Variants in CSMD1 observed in about 807,000 individuals in gnomAD.
The protein encoded by CSMD1 is CUB and Sushi multiple domains 1.
A neutral mutation model predicts 417.5 loss-of-function variants in CSMD1; 213 were observed. That is an observed-to-expected ratio of 0.51 (90% confidence interval 0.46 to 0.57). The LOEUF is 0.57. Among genes scored for constraint, CSMD1 ranks in the 20% least tolerant of loss-of-function variants. The pLI, the probability that CSMD1 is intolerant of heterozygous loss-of-function variation, is 0.00. For synonymous variants in CSMD1, 2,862 were observed against 1,736.8 expected, an observed-to-expected ratio of 1.65 and a Z score of -16.11; for missense variants, 6,923 against 4,529.7, an observed-to-expected ratio of 1.53 and a Z score of -15.17.
At chr8:3,943,333 C>A (rs1158372131) in intron 5 of CSMD1, among the ~76,000 whole-genome samples, 2 of 145,632 alleles carry the variant, frequency 1.4e-5, no homozygotes, top group Non-Finnish European at 3.0e-5. Context: ...GTGAAGTATT[C>A]TTGTAGTGAG....
At chr8:3,971,389 T>C (rs529208959) in intron 5 of CSMD1, among the ~76,000 whole-genome samples, 4 of 152,300 alleles carry the variant, frequency 2.6e-5, no homozygotes, top group Admixed American at 6.5e-5. Context: ...ACTGTCCCTA[T>C]TAAGTTTTTA....
chr8:4,592,419 C>A (rs1800038013), intron 2 of CSMD1, among the ~76,000 whole-genome samples: 1 of 151,926 alleles, frequency 6.6e-6, no homozygotes, highest in African/African-American at 2.4e-5. Flanking sequence ...TGGAGTCTTA[C>A]TCCATCTCCC....
chr8:4,049,170 C>A (rs1042909771), intron 3 of CSMD1, among the ~76,000 whole-genome samples: 4 of 152,042 alleles, frequency 2.6e-5, no homozygotes, highest in Non-Finnish European at 5.9e-5. Flanking sequence ...ATTGTAACAT[C>A]AAAGAGTCTA....
At chr8:4,388,303 TACACAC>T in intron 3 of CSMD1, among the ~76,000 whole-genome samples, 1 of 117,212 alleles carries the variant, frequency 8.5e-6, no homozygotes, top group South Asian at 2.6e-4. Context: ...GAAACTGTGA[TACACAC>T]ACACACACAC....
At chr8:3,926,245 T>C (rs956795626) in intron 5 of CSMD1, among the ~76,000 whole-genome samples, 2 of 152,204 alleles carry the variant, frequency 1.3e-5, no homozygotes, top group Admixed American at 6.5e-5. Flanking sequence ...TATGTGTTAA[T>C]GGTAAAATCA....
chr8:3,671,265 T>C (rs1420482179), intron 7 of CSMD1, among the ~76,000 whole-genome samples: 1 of 147,794 alleles, frequency 6.8e-6, no homozygotes, highest in Admixed American at 6.8e-5. Context: ...TATGTATATA[T>C]ATATATATGA....
chr8:3,662,742 G>A (rs1444614049), intron 7 of CSMD1, among the ~76,000 whole-genome samples: 1 of 152,036 alleles, frequency 6.6e-6, no homozygotes, highest in Admixed American at 6.6e-5. Flanking sequence ...CACAGGAACA[G>A]AAAACCAAAC....
At chr8:3,577,002 GCCTGCATTT>G (rs1800177313) in intron 9 of CSMD1, among the ~76,000 whole-genome samples, 1 of 152,136 alleles carries the variant, frequency 6.6e-6, no homozygotes, top group African/African-American at 2.4e-5. Context: ...GGCATTGTCG[GCCTGCATTT>G]CAAGCTTTTA....
chr8:4,484,744 C>A (rs184768372), intron 2 of CSMD1, among the ~76,000 whole-genome samples: 26 of 151,902 alleles, frequency 1.7e-4, no homozygotes, highest in African/African-American at 5.6e-4. Flanking sequence ...CAGAGACGGG[C>A]GGATCACGAG....
chr8:3,860,589 T>A (rs945998751), intron 5 of CSMD1, among the ~76,000 whole-genome samples: 1 of 152,180 alleles, frequency 6.6e-6, no homozygotes, highest in African/African-American at 2.4e-5. Flanking sequence ...CTAACCATAT[T>A]ACACATCATA....
At chr8:3,906,796 G>A (rs990550386) in intron 5 of CSMD1, among the ~76,000 whole-genome samples, 1 of 152,028 alleles carries the variant, frequency 6.6e-6, no homozygotes, top group Non-Finnish European at 1.5e-5. Context: ...CATATATACA[G>A]ACAAAATATA....
intron 7 of CSMD1, among the ~76,000 whole-genome samples, chr8:3,685,574 G>C (rs73183365): frequency 1.3e-5 from 2 of 152,266 alleles, no homozygotes; most frequent in African/African-American, 2.4e-5. Flanking sequence ...CAAAACAGGA[G>C]TGAAGCATCT....
chr8:4,440,117 C>G (rs997764750), intron 2 of CSMD1, among the ~76,000 whole-genome samples: 3 of 152,144 alleles, frequency 2.0e-5, no homozygotes, highest in Non-Finnish European at 4.4e-5. Flanking sequence ...AACTCATTCT[C>G]TTTAAAGTGC....
At chr8:3,355,700 T>C (rs1409388749) in intron 21 of CSMD1, among the ~76,000 whole-genome samples, 1 of 152,150 alleles carries the variant, frequency 6.6e-6, no homozygotes, top group Non-Finnish European at 1.5e-5. Context: ...AGACCTCAGG[T>C]TCTTGTTGAT....
intron 10 of CSMD1, among the ~76,000 whole-genome samples, chr8:3,542,808 T>C (rs149611978): frequency 3.2e-3 from 492 of 152,316 alleles, no homozygotes; most frequent in African/African-American, 0.011. Context: ...TTCGATGCTT[T>C]AGCTAAGCAA....
chr8:4,347,696 C>T (rs1045091298), intron 3 of CSMD1, among the ~76,000 whole-genome samples: 1 of 152,150 alleles, frequency 6.6e-6, no homozygotes, highest in East Asian at 1.9e-4. Flanking sequence ...TTACTACAAA[C>T]ATCCCTTCTA....
chr8:4,082,722 T>C (rs1202978883), intron 3 of CSMD1, among the ~76,000 whole-genome samples: 2 of 151,030 alleles, frequency 1.3e-5, no homozygotes, highest in East Asian at 3.9e-4. Context: ...CATTAACTCG[T>C]CATTTAGCAT....
intron 3 of CSMD1, among the ~76,000 whole-genome samples, chr8:4,418,653 T>C (rs946752984): frequency 7.9e-5 from 12 of 152,202 alleles, no homozygotes; most frequent in Non-Finnish European, 1.3e-4. Flanking sequence ...TGTAATATTC[T>C]GCAAAAAATG....
At chr8:4,062,696 G>A (rs78450340) in intron 3 of CSMD1, among the ~76,000 whole-genome samples, 1 of 151,214 alleles carries the variant, frequency 6.6e-6, no homozygotes, top group Admixed American at 6.6e-5. Context: ...TGATGGCAAA[G>A]CCACACTGTC....
Sources: gnomAD v4.1 joint callset for allele counts (sites outside exome capture counted in the v4.1 genomes callset) on GRCh38, gnomAD v4.1.1 for gene constraint, MANE v1.5 for transcripts, NCBI Gene and HGNC (gene_info 2026-07-23, HGNC 2026-07-21) for gene names.